Variants in GPM6B observed in about 807,000 individuals in gnomAD.
GPM6B encodes neuronal membrane glycoprotein M6-b.
In GPM6B, 4 loss-of-function variants were observed where a neutral mutation model predicts 27.2. That is an observed-to-expected ratio of 0.15 (90% CI 0.07 to 0.34). The LOEUF (loss-of-function observed/expected upper bound fraction) is 0.34, where lower values mean the gene tolerates loss of function less well. GPM6B is among the 10% of genes least tolerant of loss of function. The pLI is 1.00. For synonymous variants in GPM6B, 124 were observed against 103.1 expected, an observed-to-expected ratio of 1.20 and a Z score of -1.23; for missense variants, 183 against 261.9, an observed-to-expected ratio of 0.70 and a Z score of 2.08.
intron 1 of GPM6B, among the ~76,000 whole-genome samples, chrX:13,885,420 G>A (rs2050125517): frequency 9.0e-6 from 1 of 111,445 alleles, no homozygotes; most frequent in South Asian, 3.8e-4. Flanking sequence ...GTTTGCCCCT[G>A]GCAAATAGAA....
chrX:13,794,075 T>A (rs959950101), intron 2 of GPM6B, among the ~76,000 whole-genome samples: 1 of 112,271 alleles, frequency 8.9e-6, no homozygotes, highest in Non-Finnish European at 1.9e-5. Context: ...ATGGCTACTT[T>A]CAAGCTACAA....
chrX:13,794,186 CTT>C (rs373995174), intron 2 of GPM6B, among the ~76,000 whole-genome samples: 2 of 100,509 alleles, frequency 2.0e-5, no homozygotes, highest in Non-Finnish European at 4.0e-5. Flanking sequence ...CTCTCTCTCT[CTT>C]TTTTTTTTTT....
chrX:13,927,818 G>A (rs1385674029), intron 1 of GPM6B, among the ~76,000 whole-genome samples: 2 of 111,677 alleles, frequency 1.8e-5, no homozygotes, highest in East Asian at 5.6e-4. Context: ...GGGATAATGG[G>A]GACACTTTAT....
chrX:13,855,088 G>A (rs1405919374), intron 1 of GPM6B, among the ~76,000 whole-genome samples: 6 of 109,392 alleles, frequency 5.5e-5, no homozygotes, highest in East Asian at 2.9e-4. Context: ...GTGCGATCTC[G>A]GTTCACTGCA....
At chrX:13,858,470 G>T (rs1052439466) in intron 1 of GPM6B, among the ~76,000 whole-genome samples, 1 of 111,525 alleles carries the variant, frequency 9.0e-6, no homozygotes, top group East Asian at 2.8e-4. Flanking sequence ...GGCAATAAAT[G>T]AAACGTCACT....
chrX:13,779,119 C>CCTCTTACTCAGCTGCCCT (rs1405122038), intron 5 of GPM6B, among the ~76,000 whole-genome samples: 7 of 111,226 alleles, frequency 6.3e-5, no homozygotes, highest in African/African-American at 2.3e-4. Context: ...AGGATGCTGC[C>CCTCTTACTCAGCTGCCCT]CTCTTACTCA....
At chrX:13,811,749 C>T (rs1271082943) in intron 1 of GPM6B, among the ~76,000 whole-genome samples, 4 of 111,919 alleles carry the variant, frequency 3.6e-5, no homozygotes, top group East Asian at 2.8e-4. Flanking sequence ...TAAGGCTTGG[C>T]TACATAAAGC....
chrX:13,849,461 ATG>A (rs1569257970), intron 1 of GPM6B, among the ~76,000 whole-genome samples: 1 of 112,272 alleles, frequency 8.9e-6, no homozygotes, highest in Non-Finnish European at 1.9e-5. Context: ...TGGAGGCCAG[ATG>A]TGTACATGGG....
intron 1 of GPM6B, among the ~76,000 whole-genome samples, chrX:13,828,340 A>G (rs2049400103): frequency 1.8e-5 from 2 of 110,598 alleles, no homozygotes; most frequent in South Asian, 3.9e-4. Flanking sequence ...GTTTCATAAG[A>G]AGAGGAAGAG....
At chrX:13,781,058 C>A in intron 4 of GPM6B, 1 of 249,524 alleles carries the variant, frequency 4.0e-6, no homozygotes, top group Non-Finnish European at 7.9e-6. Context: ...CTCCCACTTC[C>A]TCCCACTGCT....
chrX:13,825,513 G>A (rs1054835425), intron 1 of GPM6B, among the ~76,000 whole-genome samples: 2 of 112,422 alleles, frequency 1.8e-5, no homozygotes, highest in Admixed American at 1.9e-4. Context: ...TGTCACAGAG[G>A]AGGAGGGAAT....
intron 1 of GPM6B, among the ~76,000 whole-genome samples, chrX:13,850,176 C>T (rs374503287): frequency 9.1e-4 from 102 of 112,412 alleles, no homozygotes; most frequent in Middle Eastern, 9.1e-3. Flanking sequence ...GTTTGAGTCA[C>T]GGAGGTGAAT....
chrX:13,826,468 G>A (rs1292146287), intron 1 of GPM6B, among the ~76,000 whole-genome samples: 1 of 111,437 alleles, frequency 9.0e-6, no homozygotes, highest in African/African-American at 3.3e-5. Flanking sequence ...CACTTTGGGA[G>A]GTCAAGGCAG....
At chrX:13,818,395 G>GA (rs1488927893), upstream of GPM6B, among the ~76,000 whole-genome samples, 8 of 110,752 alleles carry the variant, frequency 7.2e-5, no homozygotes, top group Admixed American at 6.7e-4. Context: ...TCAACTCCTT[G>GA]AAAAAAAAGT....
chrX:13,772,568 C>G lies in GPM6B; in HGVS notation c.*313G>C, dbSNP rs1321231317. 5 of 229,461 alleles carry G rather than the reference C, an allele frequency of 2.2e-5. No individual in the cohort carries two copies. The highest frequency in any genetic ancestry group is 4.0e-5 in the Non-Finnish European group (5 of 125,819). 18.9% of individuals were successfully genotyped at this position (229,461 alleles called of 1,213,427 possible). On this transcript the variant is annotated 3_prime_UTR_variant, in exon 8 of 8. Coordinates refer to ENST00000316715, the MANE Select transcript of GPM6B (RefSeq NM_001001995.3). ...TCCCTATTAAGGAGTGTGACATATTCCATTGAGTGTCTTGGTAGAATTGCC... is the reference window on the plus strand; with the variant it reads ...TCCCTATTAAGGAGTGTGACATATTGCATTGAGTGTCTTGGTAGAATTGCC...
At chrX:13,884,132 C>G (rs774789648) in intron 1 of GPM6B, among the ~76,000 whole-genome samples, 4 of 108,691 alleles carry the variant, frequency 3.7e-5, no homozygotes, top group South Asian at 7.8e-4. Context: ...GAGCCGAGAT[C>G]CCACCACTGC....
At chrX:13,846,566 C>T (rs2049648843) in intron 1 of GPM6B, among the ~76,000 whole-genome samples, 3 of 110,359 alleles carry the variant, frequency 2.7e-5, no homozygotes, top group Admixed American at 1.9e-4. Context: ...TCTCAGCTCA[C>T]TGCAAGCTCC....
At chrX:13,857,263 TA>T (rs1460661953) in intron 1 of GPM6B, among the ~76,000 whole-genome samples, 4 of 111,815 alleles carry the variant, frequency 3.6e-5, no homozygotes, top group Non-Finnish European at 7.5e-5. Flanking sequence ...CCTGGACATC[TA>T]GGGGGGCCAT....
intron 5 of GPM6B, among the ~76,000 whole-genome samples, chrX:13,779,140 CTT>C (rs1389813471): frequency 1.8e-5 from 2 of 111,424 alleles, no homozygotes; most frequent in Non-Finnish European, 3.8e-5. Context: ...GCTGCCCTCT[CTT>C]ACTCAGCAGC....
Sources: gnomAD v4.1 joint callset for allele counts (sites outside exome capture counted in the v4.1 genomes callset) on GRCh38, gnomAD v4.1.1 for gene constraint, MANE v1.5 for transcripts, NCBI Gene and HGNC (gene_info 2026-07-23, HGNC 2026-07-21) for gene names.